Variants in CTSL observed in about 807,000 individuals in gnomAD.
CTSL encodes cathepsin L.
Under a neutral mutation model 34.7 loss-of-function variants are expected in CTSL, and 23 were observed. That is an observed-to-expected ratio of 0.66 (90% confidence interval 0.48 to 0.94). The LOEUF is 0.94. Ranked by LOEUF, CTSL falls within the 40% of genes least tolerant of loss-of-function variation. The pLI is 0.00. For missense variants in CTSL, 361 were observed against 406.3 expected (o/e 0.89, Z 0.96); for synonymous variants, 129 against 136.7 (o/e 0.94, Z 0.39).
In CTSL at chr9:87,730,997, T is replaced by C; in HGVS notation, c.903-11T>C. The C allele has an allele frequency of 6.2e-7, 1 of 1,612,238 alleles. No homozygotes were observed. The highest frequency in any genetic ancestry group is 8.5e-7 in the Non-Finnish European group (1 of 1,178,384). ...TCTTTCTCTGAAATGGAAAACCTGC[T>C]CTTTTTTCAGCTGGGGTGAAGAATG... On this transcript the variant is annotated splice_polypyrimidine_tract_variant and intron_variant, in intron 7 of 7. Transcript: ENST00000343150.
At chr9:87,729,050 G>T in intron 5 of CTSL, 2 of 1,107,220 alleles carry the variant, frequency 1.8e-6, no homozygotes, top group Non-Finnish European at 2.5e-6. Flanking sequence ...TTAGCCGGCT[G>T]TGGTGGTGTG....
chr9:87,729,618 A>G lies in CTSL; in HGVS notation c.667A>G (p.Thr223Ala), dbSNP rs1826177116. 1.2e-6 allele frequency: 2 copies of G among 1,614,064 alleles called. No homozygotes were observed. Among genetic ancestry groups the G allele is most frequent in the Non-Finnish European group, 8.5e-7 (1 of 1,180,046 alleles). The change falls in exon 6 of 8, where the codon ACC becomes GCC. Residue 223 changes from threonine (T) to alanine (A), a missense_variant. Transcript: ENST00000343150. ...TCCCAAGTATTCTGTTGCTAATGAC[A>G]CCGGCTTTGTGGACATCCCTAAGCA... ...YNPKYSVAND[T>A]GFVDIPKQEK...
Position 87,729,622 on chromosome 9 carries a change from G to T in CTSL, c.671G>T (p.Gly224Val). The T allele has an allele frequency of 6.2e-7, 1 of 1,614,140 alleles. No homozygotes were observed. Among genetic ancestry groups the T allele is most frequent in the Non-Finnish European group, 8.5e-7 (1 of 1,180,022 alleles). Reference protein sequence around the residue: ...NPKYSVANDTGFVDIPKQEKA... With the variant: ...NPKYSVANDTVFVDIPKQEKA... Reference sequence around the variant, plus strand: ...AAGTATTCTGTTGCTAATGACACCGGCTTTGTGGACATCCCTAAGCAGGAG... The same window carrying T: ...AAGTATTCTGTTGCTAATGACACCGTCTTTGTGGACATCCCTAAGCAGGAG... The change falls in exon 6 of 8, where the codon GGC becomes GTC. Residue 224 changes from glycine (G) to valine (V), a missense_variant. Physicochemically the swap from Gly to Val is moderately radical, Grantham distance 109. Transcript: ENST00000343150.
chr9:87,728,411 G>A lies in CTSL; in HGVS notation c.396+15G>A. ...TGAAGAATCAGGTGAGACAGTGTCA[G>A]GTTCAGACCTCCCATCTTCCCAGGA... On this transcript the variant is annotated intron_variant, in intron 4 of 7. Transcript: ENST00000343150. The A allele has an allele frequency of 6.2e-7, 1 of 1,604,936 alleles. No homozygotes were observed. Among genetic ancestry groups the A allele is most frequent in the South Asian group, 1.1e-5 (1 of 88,966 alleles).
At chr9:87,729,063 T>C in intron 5 of CTSL, 1 of 990,788 alleles carries the variant, frequency 1.0e-6, no homozygotes, top group East Asian at 2.6e-5. Flanking sequence ...GTGGTGTGCG[T>C]CTGTGGTCCC....
chr9:87,727,962 A>G (rs532285544), intron 2 of CTSL, 65 bp from the exon 3 acceptor site: 1 of 1,602,214 alleles, frequency 6.2e-7, no homozygotes, highest in Non-Finnish European at 8.5e-7. Flanking sequence ...CTGCAGATTC[A>G]CTTGGTGAGG....
chr9:87,730,933 T>C, intron 7 of CTSL, 75 bp from the exon 8 acceptor site: 5 of 1,195,160 alleles, frequency 4.2e-6, no homozygotes, highest in Non-Finnish European at 6.1e-6. Flanking sequence ...GCACAGTGTT[T>C]AAGTTGGGTG....
At chr9:87,729,445 G>A in intron 5 of CTSL, 128 bp from the exon 6 acceptor site, 1 of 756,412 alleles carries the variant, frequency 1.3e-6, no homozygotes, top group Non-Finnish European at 2.1e-6. Flanking sequence ...CACTTCCTGG[G>A]ATGATTTATA....
At chr9:87,729,363 T>G (rs972946877) in intron 5 of CTSL, among the ~76,000 whole-genome samples, 1 of 152,204 alleles carries the variant, frequency 6.6e-6, no homozygotes, top group African/African-American at 2.4e-5. Context: ...AAATGTCTTA[T>G]GGAAGTAAAC....
intron 5 of CTSL, 70 bp downstream of exon 5, chr9:87,728,879 A>T (rs886448867): frequency 1.9e-6 from 3 of 1,604,304 alleles, no homozygotes; most frequent in African/African-American, 1.3e-5. Flanking sequence ...GATAACAGAT[A>T]CCTTTTTCGG....
chr9:87,727,521 A>T, intron 1 of CTSL, 73 bp from the exon 2 acceptor site: 1 of 1,473,824 alleles, frequency 6.8e-7, no homozygotes, highest in South Asian at 1.2e-5. Flanking sequence ...TGGTGGCCCT[A>T]ATTTTTCAGG....
chr9:87,727,473 A>C, intron 1 of CTSL, 121 bp from the exon 2 acceptor site: 1 of 1,075,320 alleles, frequency 9.3e-7, no homozygotes, highest in Non-Finnish European at 1.3e-6. Flanking sequence ...CCTTGGGTAA[A>C]TGCTTGGGAG....
At position 87,728,302 on chromosome 9, in the gene CTSL, G is replaced by A. The variant is rs1826112425; in HGVS notation, c.302G>A (p.Arg101Lys). Residue 101 changes from arginine (R) to lysine (K), a missense_variant, in exon 4 of 8, where the codon AGG (arginine) becomes AAG (lysine). Arg to Lys is a conservative substitution (Grantham distance 26, BLOSUM62 2). Coordinates refer to ENST00000343150, the MANE Select transcript of CTSL (RefSeq NM_001912.5). Reference sequence around the variant, plus strand: ...AATGGCTTTCAAAACCGTAAGCCCAGGAAGGGGAAAGTGTTCCAGGAACCT... The same window carrying A: ...AATGGCTTTCAAAACCGTAAGCCCAAGAAGGGGAAAGTGTTCCAGGAACCT... ...VMNGFQNRKP[R>K]KGKVFQEPLF... 1.2e-6 allele frequency: 2 copies of A among 1,614,088 alleles called. No individual in the cohort carries two copies. Among genetic ancestry groups the A allele is most frequent in the East Asian group, 4.5e-5 (2 of 44,888 alleles).
intron 6 of CTSL, 53 bp downstream of exon 6, chr9:87,729,788 T>C: frequency 1.3e-6 from 2 of 1,535,230 alleles, no homozygotes; most frequent in South Asian, 1.3e-5. Flanking sequence ...TATCATGACA[T>C]ACGAGCATGA....
At position 87,730,481 on chromosome 9, in the gene CTSL, T is replaced by C. The variant is rs750563414; in HGVS notation, c.885T>C (p.Tyr295=). ...GCACAGAATCAGATAACAATAAATA[T>C]TGGCTGGTGAAGAACAGGTATAAAT... is the stretch of plus-strand genomic sequence containing the variant. The part of the protein sequence containing the change: ...FESTESDNNK[Y]WLVKNSWGEE... The change falls in exon 7 of 8, where the codon TAT becomes TAC. Residue 295 remains tyrosine (Y), a synonymous_variant. Transcript: ENST00000343150. 6.2e-7 allele frequency: 1 copy of C among 1,609,672 alleles called. No individual in the cohort carries two copies. Among genetic ancestry groups the C allele is most frequent in the Non-Finnish European group, 8.5e-7 (1 of 1,177,758 alleles).
Position 87,728,255 on chromosome 9 carries a change from T to G in CTSL, c.255T>G (p.Ser85Arg). The G allele has an allele frequency of 6.2e-7, 1 of 1,614,154 alleles. No homozygotes were observed. Among genetic ancestry groups the G allele is most frequent in the Non-Finnish European group, 8.5e-7 (1 of 1,180,024 alleles). Residue 85 changes from serine (S) to arginine (R), a missense_variant, in exon 4 of 8, where the codon AGT becomes AGG. By Grantham distance (110) the Ser-to-Arg change is moderately radical. Coordinates refer to ENST00000343150, the MANE Select transcript of CTSL (RefSeq NM_001912.5). ...MAMNAFGDMTSEEFRQVMNGF... is the reference protein window; with the variant it reads ...MAMNAFGDMTREEFRQVMNGF... ...TTATTTCCTTTTCCTTGAAGACCAG[T>G]GAAGAATTCAGGCAGGTGATGAATG...
At chr9:87,728,951 T>C (rs1028197906) in intron 5 of CTSL, 142 bp downstream of exon 5, 7 of 1,477,978 alleles carry the variant, frequency 4.7e-6, no homozygotes, top group Non-Finnish European at 6.3e-6. Context: ...TTTAGGAGGC[T>C]GAGCCAGGCA....
intron 6 of CTSL, 139 bp downstream of exon 6, chr9:87,729,874 C>A: frequency 1.4e-6 from 1 of 718,840 alleles, no homozygotes. Flanking sequence ...TCTGTACATG[C>A]AATATTTATA....
intron 1 of CTSL, among the ~76,000 whole-genome samples, chr9:87,727,161 A>G (rs1211563701): frequency 6.6e-6 from 1 of 152,092 alleles, no homozygotes; most frequent in Non-Finnish European, 1.5e-5. Context: ...ACTCTTGGGG[A>G]TCTCTTTGTC....
Sources: gnomAD v4.1 joint callset for allele counts (sites outside exome capture counted in the v4.1 genomes callset) on GRCh38, gnomAD v4.1.1 for gene constraint, MANE v1.5 for transcripts, NCBI Gene and HGNC (gene_info 2026-07-23, HGNC 2026-07-21) for gene names.